The following ZNF506 variants were observed in gnomAD, a reference collection of about 807,000 sequenced individuals.
ZNF506 encodes the protein zinc finger protein 506.
In ZNF506, 10 loss-of-function variants were observed where a neutral mutation model predicts 11.6. The observed-to-expected ratio is 0.86, with a 90% CI of 0.53 to 1.46. ZNF506 has a LOEUF of 1.46. Ranked by LOEUF, ZNF506 falls within the 40% of genes most tolerant of loss-of-function variation. The probability of loss-of-function intolerance (pLI) is 0.00; values close to 1 mark genes in which losing one functional copy is unlikely to be tolerated. For missense variants in ZNF506, 425 were observed against 521.2 expected, an observed-to-expected ratio of 0.82 and a Z score of 1.80; for synonymous variants, 156 against 173.3, an observed-to-expected ratio of 0.90 and a Z score of 0.78.
chr19:19,816,709 C>T (rs889936891), intron 1 of ZNF506, among the ~76,000 whole-genome samples: 2 of 151,426 alleles, frequency 1.3e-5, no homozygotes, highest in African/African-American at 2.4e-5. Context: ...AGGCTGGTCG[C>T]GTACTCCCAA....
chr19:19,795,008 G>C lies in ZNF506; in HGVS notation c.879C>G (p.Ala293=). The C allele has an allele frequency of 6.2e-7, 1 of 1,613,568 alleles. No individual in the cohort carries two copies. Among genetic ancestry groups the C allele is most frequent in the Non-Finnish European group, 8.5e-7 (1 of 1,179,938 alleles). ...TAGTAAGGGTTGAGGATGAAATAAA[G>C]GCTTTGCCACATTTATCACACTTGT... ...KPYKCDKCGK[A]FISSSTLTKH... is the part of the protein sequence containing the mutation. The change falls in exon 4 of 4, where the codon GCC becomes GCG. Residue 293 remains alanine, a synonymous_variant. Transcript: ENST00000540806.
At chr19:19,799,197 C>T (rs2062770484) in intron 3 of ZNF506, 1 of 330,592 alleles carries the variant, frequency 3.0e-6, no homozygotes, top group East Asian at 4.6e-5. Context: ...GTGTGTGTGT[C>T]TCAAATTGGG....
intron 1 of ZNF506, among the ~76,000 whole-genome samples, chr19:19,808,108 C>CTTTTTTTTTTTTTTTTTTTTTTTTTTTTT (rs757160026): frequency 1.8e-5 from 1 of 56,730 alleles, no homozygotes; most frequent in African/African-American, 7.7e-5. Context: ...TCATTAACCA[C>CTTTTTTTTTTTTTTTTTTTTTTTTTTTTT]TTTTTTTTTT....
At chr19:19,807,189 A>C (rs2062842390) in intron 1 of ZNF506, 121 bp from the exon 2 acceptor site, 13 of 1,484,330 alleles carry the variant, frequency 8.8e-6, no homozygotes, top group Non-Finnish European at 1.2e-5. Context: ...AAAATTATCC[A>C]ATAAAATGAT....
intron 1 of ZNF506, among the ~76,000 whole-genome samples, chr19:19,818,735 G>A (rs939774103): frequency 6.6e-6 from 1 of 152,136 alleles, no homozygotes; most frequent in Non-Finnish European, 1.5e-5. Context: ...GAGTGCAGTG[G>A]CTCATGTCTG....
At chr19:19,816,117 CTT>C (rs1278613028) in intron 1 of ZNF506, among the ~76,000 whole-genome samples, 4 of 152,028 alleles carry the variant, frequency 2.6e-5, no homozygotes, top group Non-Finnish European at 4.4e-5. Context: ...CACATTTTCT[CTT>C]TCTCATTAAA....
chr19:19,801,077 T>C (rs1044090046), intron 3 of ZNF506, among the ~76,000 whole-genome samples: 3 of 151,910 alleles, frequency 2.0e-5, no homozygotes, highest in Non-Finnish European at 4.4e-5. Context: ...GGAGAATCAC[T>C]TGAACCCGGA....
intron 3 of ZNF506, chr19:19,798,453 C>A (rs2062761129): frequency 6.6e-6 from 1 of 151,492 alleles, no homozygotes; most frequent in African/African-American, 2.4e-5. Flanking sequence ...TGGAGACCAT[C>A]CTGGCTAACA....
At chr19:19,802,621 C>G (rs2062804727) in intron 3 of ZNF506, among the ~76,000 whole-genome samples, 1 of 152,160 alleles carries the variant, frequency 6.6e-6, no homozygotes. Flanking sequence ...TTGCCTGCAG[C>G]AAACTTGAAT....
chr19:19,795,398 A>G lies in ZNF506; in HGVS notation c.489T>C (p.His163=), dbSNP rs780035671. 6.3e-7 allele frequency: 1 copy of G among 1,595,874 alleles called. No individual in the cohort carries two copies. Among genetic ancestry groups the G allele is most frequent in the Non-Finnish European group, 8.5e-7 (1 of 1,173,918 alleles). ...FLHKFSNSNK[H]KIRDTGKKSF... ...ATTTTTTTCCAGTATCTCTTATCTTATGTTTGTTTGAATTTGAAAATTTAT... is the reference window on the plus strand; with the variant it reads ...ATTTTTTTCCAGTATCTCTTATCTTGTGTTTGTTTGAATTTGAAAATTTAT... Residue 163 remains histidine (H), a synonymous_variant, in exon 4 of 4, where the codon CAT becomes CAC. Coordinates refer to ENST00000540806, the MANE Select transcript of ZNF506 (RefSeq NM_001099269.3).
intron 1 of ZNF506, among the ~76,000 whole-genome samples, chr19:19,814,299 T>C (rs1293861789): frequency 1.3e-5 from 2 of 151,732 alleles, no homozygotes; most frequent in African/African-American, 4.8e-5. Context: ...TTCCAGCTAC[T>C]CGGGAGACTG....
chr19:19,812,368 G>C (rs571502618), intron 1 of ZNF506, among the ~76,000 whole-genome samples: 49 of 152,232 alleles, frequency 3.2e-4, no homozygotes, highest in Non-Finnish European at 6.0e-4. Flanking sequence ...GAACTTCCCT[G>C]GTGGAACTCC....
In ZNF506 at chr19:19,792,862, A is replaced by G. The variant is rs2062705305; in HGVS notation, c.*1690T>C. On this transcript the variant is annotated 3_prime_UTR_variant, in exon 4 of 4. Transcript: ENST00000540806. ...TAAGTCATAGGCTAGGATTATACAA[A>G]TGAGAACCCCCACCTTATACATTAC... 6.6e-6 allele frequency among the ~76,000 whole-genome samples: 1 copy of G among 151,632 alleles called. No homozygotes were observed. The highest frequency in any genetic ancestry group is 2.4e-5 in the African/African-American group (1 of 40,898).
intron 1 of ZNF506, chr19:19,820,707 A>AAAT (rs2062961911): frequency 6.6e-6 from 1 of 152,154 alleles, no homozygotes; most frequent in South Asian, 2.1e-4. Context: ...ATAAATAAAT[A>AAAT]AAATAAAATA....
chr19:19,814,234 C>T (rs181027744), intron 1 of ZNF506, among the ~76,000 whole-genome samples: 57 of 151,894 alleles, frequency 3.8e-4, no homozygotes, highest in African/African-American at 1.3e-3. Flanking sequence ...CATGGAGAAA[C>T]CCCGTATCTA....
intron 3 of ZNF506, chr19:19,799,191 G>A: frequency 3.1e-6 from 1 of 325,212 alleles, no homozygotes. Flanking sequence ...TTGTGCGTGT[G>A]TGTGTCTCAA....
chr19:19,802,844 CAAA>C (rs1399224775), intron 3 of ZNF506, among the ~76,000 whole-genome samples: 1 of 151,934 alleles, frequency 6.6e-6, no homozygotes, highest in South Asian at 2.1e-4. Context: ...CCTCTTACAG[CAAA>C]AAAAGGTTAG....
In ZNF506 at chr19:19,794,598, A is replaced by C; in HGVS notation, c.1289T>G (p.Val430Gly). The change falls in exon 4 of 4, where the codon GTG becomes GGG. Residue 430 changes from valine (V) to glycine (G), a missense_variant. By Grantham distance (109) the Val-to-Gly change is moderately radical. Around this residue, in one of 3 missense-constraint regions of ZNF506, gnomAD observed 192 missense variants for 215.7 expected, o/e 0.89. Coordinates refer to ENST00000540806, the MANE Select transcript of ZNF506 (RefSeq NM_001099269.3). ...IRQKPCIVKN[V>G]ENLLNVPQPL... ...TTGAGGAACATTTAAAAGATTTTCC[A>C]CATTCTTCACTATGCAGGGTTTCTG... 6.2e-7 allele frequency: 1 copy of C among 1,605,772 alleles called. No individual in the cohort carries two copies. The highest frequency in any genetic ancestry group is 1.1e-5 in the South Asian group (1 of 89,868).
At chr19:19,808,591 ATCC>A (rs2062856795) in intron 1 of ZNF506, among the ~76,000 whole-genome samples, 1 of 144,060 alleles carries the variant, frequency 6.9e-6, no homozygotes, top group Non-Finnish European at 1.5e-5. Context: ...CACGCCTGTA[ATCC>A]CAGCACTTTG....
Sources: gnomAD v4.1 joint callset for allele counts (sites outside exome capture counted in the v4.1 genomes callset) on GRCh38, gnomAD v4.1.1 for gene constraint, gnomAD v4.1.1 regional missense constraint, MANE v1.5 for transcripts, NCBI Gene and HGNC (gene_info 2026-07-23, HGNC 2026-07-21) for gene names.